Variants in NKAP observed in about 807,000 individuals in gnomAD.
NKAP encodes NFKB activating protein.
A neutral mutation model predicts 35.6 loss-of-function variants in NKAP; 4 were observed. The observed-to-expected ratio is 0.11, with a 90% CI of 0.06 to 0.26. NKAP has a LOEUF of 0.26. Among genes scored for constraint, NKAP ranks in the 10% least tolerant of loss-of-function variants. NKAP has a pLI of 1.00. For missense variants in NKAP, 238 were observed against 321.9 expected, an observed-to-expected ratio of 0.74 and a Z score of 1.99; for synonymous variants, 106 against 119.2, an observed-to-expected ratio of 0.89 and a Z score of 0.72.
intron 8 of NKAP, among the ~76,000 whole-genome samples, chrX:119,927,366 T>G (rs1267797448): frequency 9.0e-6 from 1 of 110,625 alleles, no homozygotes; most frequent in African/African-American, 3.3e-5. Context: ...TTTTTTGAGA[T>G]AGTGTTTTGC....
rs1008736767 is a variant in NKAP at position 119,938,600 on chromosome X, G to A, written c.467+130C>T. On this transcript the variant is annotated intron_variant, in intron 2 of 8. Transcript: ENST00000371410. ...CTATGTTTTTAAAACTTAAGGGGTAGAAGAACATAAATCACAAGAAAGAAA... is the reference window on the plus strand; with the variant it reads ...CTATGTTTTTAAAACTTAAGGGGTAAAAGAACATAAATCACAAGAAAGAAA... 6 of 437,437 alleles carry A rather than the reference G, an allele frequency of 1.4e-5. No individual in the cohort carries two copies. In the African/African-American group the frequency reaches 1.5e-4, roughly 11 times the overall value. 36.0% of individuals were successfully genotyped at this position (437,437 alleles called of 1,213,427 possible).
Position 119,934,565 on chromosome X carries a change from T to C in NKAP, c.674-8A>G. The C allele has an allele frequency of 8.8e-7, 1 of 1,138,893 alleles. No individual in the cohort carries two copies. The highest frequency in any genetic ancestry group is 1.2e-6 in the Non-Finnish European group (1 of 859,726). The allele number at this position is 1,138,893 out of a possible 1,213,427, so 93.9% of individuals were successfully genotyped here. On this transcript the variant is annotated splice_polypyrimidine_tract_variant and splice_region_variant and intron_variant, in intron 4 of 8. Transcript: ENST00000371410. ...TCCTTTTGTTATCTTCATCTGCAAA[T>C]TAAAGCACATTACAATTAAGAAAAA...
At position 119,924,394 on chromosome X, in the gene NKAP, G is replaced by A. The variant is rs78563934; in HGVS notation, c.*826C>T. 3.6e-5 allele frequency: 4 copies of A among 109,930 alleles called. No homozygotes were observed. In the Admixed American group the frequency reaches 3.9e-4, roughly 11 times the overall value. 9.1% of individuals were successfully genotyped at this position (109,930 alleles called of 1,213,427 possible). ...ACAGTAGCATTTTATTCATAATTTG[G>A]ATTTTTTTTTTTTGAGACAGAGTTT... On this transcript the variant is annotated 3_prime_UTR_variant, in exon 9 of 9. Transcript: ENST00000371410.
chrX:119,928,935 T>A (rs959548132), intron 8 of NKAP, among the ~76,000 whole-genome samples: 3 of 109,949 alleles, frequency 2.7e-5, no homozygotes, highest in Non-Finnish European at 5.7e-5. Flanking sequence ...TGAGTTTTGC[T>A]CTCCAGGCTG....
At position 119,922,610 on chromosome X, in the gene NKAP, C is replaced by T. The variant is rs1353964311; in HGVS notation, c.*2610G>A. On this transcript the variant is annotated 3_prime_UTR_variant, in exon 9 of 9. Coordinates refer to ENST00000371410, the MANE Select transcript of NKAP (RefSeq NM_024528.4). ...GGGCATGGTGGTGCACACTGGTAGT[C>T]CCAGCTGCTCGGGAGGCTGAGGTGG... 9.0e-6 allele frequency: 1 copy of T among 110,877 alleles called. No homozygotes were observed. The highest frequency in any genetic ancestry group is 9.7e-5 in the Admixed American group (1 of 10,273). 9.1% of individuals were successfully genotyped at this position (110,877 alleles called of 1,213,427 possible).
Position 119,941,602 on chromosome X carries a change from C to T in NKAP, c.386+1618G>A, listed in dbSNP as rs750661766. ...TGGAGTTTGTCCTTTTCCTTTCTTT[C>T]TTCCTGTTCTTCTCTTTGTTTTTTT... On this transcript the variant is annotated intron_variant, in intron 1 of 8. Coordinates refer to ENST00000371410, the MANE Select transcript of NKAP (RefSeq NM_024528.4). Among the ~76,000 whole-genome samples the T allele has an allele frequency of 2.7e-5, 3 of 110,975 alleles. No homozygotes were observed. In the South Asian group the frequency reaches 1.1e-3, roughly 42 times the overall value.
chrX:119,932,484 T>C (rs780237682), intron 5 of NKAP: 135 of 217,396 alleles, frequency 6.2e-4, no homozygotes, highest in African/African-American at 3.9e-3. Context: ...CTGGGTGTGA[T>C]GGCACACATC....
chrX:119,941,888 TA>T (rs2056795228), intron 1 of NKAP, among the ~76,000 whole-genome samples: 1 of 111,924 alleles, frequency 8.9e-6, no homozygotes, highest in African/African-American at 3.2e-5. Flanking sequence ...CTTGGCCTCC[TA>T]AAGTGTTGGG....
At chrX:119,928,758 A>C (rs2056727230) in intron 8 of NKAP, among the ~76,000 whole-genome samples, 1 of 110,644 alleles carries the variant, frequency 9.0e-6, no homozygotes, top group African/African-American at 3.3e-5. Flanking sequence ...ACAGGGTTTC[A>C]CCATGTTGGC....
intron 2 of NKAP, 173 bp from the exon 3 acceptor site, chrX:119,936,855 AC>A: frequency 2.4e-6 from 1 of 408,984 alleles, no homozygotes. Context: ...AACCAAAACA[AC>A]AACAAAGCAA....
intron 1 of NKAP, among the ~76,000 whole-genome samples, chrX:119,939,590 T>A (rs1396289408): frequency 8.9e-6 from 1 of 111,812 alleles, no homozygotes; most frequent in Admixed American, 9.4e-5. Context: ...AAAAGTTTTT[T>A]ATTTTTTTGT....
At position 119,922,387 on chromosome X, in the gene NKAP, C is replaced by A. The variant is rs1161112590; in HGVS notation, c.*2833G>T. ...GTTGCGGGTTAAAAGTAGACATTTC[C>A]TGGAACATATATTTAATAGTATTTA... On this transcript the variant is annotated 3_prime_UTR_variant, in exon 9 of 9. Transcript: ENST00000371410. 1 of 112,010 alleles carries A rather than the reference C, an allele frequency of 8.9e-6. No homozygotes were observed. Among genetic ancestry groups the A allele is most frequent in the Non-Finnish European group, 1.9e-5 (1 of 53,228 alleles). The allele number at this position is 112,010 out of a possible 1,213,427, so 9.2% of individuals were successfully genotyped here. A position where few individuals can be genotyped will look rare whatever the true frequency, so the allele number is the denominator to read the frequency against.
chrX:119,930,289 C>T (rs16995689), intron 7 of NKAP, 124 bp from the exon 8 acceptor site: 44,605 of 659,836 alleles, frequency 0.068, 1,625 homozygotes, highest in African/African-American at 0.22. Context: ...AATAACAGTG[C>T]TCAGCAGTAG....
Position 119,925,092 on chromosome X carries a change from G to T in NKAP, c.*128C>A. 2 of 655,381 alleles carry T rather than the reference G, an allele frequency of 3.1e-6. No homozygotes were observed. Among genetic ancestry groups the T allele is most frequent in the Non-Finnish European group, 4.6e-6 (2 of 433,319 alleles). 54.0% of individuals were successfully genotyped at this position (655,381 alleles called of 1,213,427 possible). On this transcript the variant is annotated 3_prime_UTR_variant, in exon 9 of 9. Coordinates refer to ENST00000371410, the MANE Select transcript of NKAP (RefSeq NM_024528.4). ...GCAGCTTTTTATTGAAGGACTGAAAGAATTAAATAGAAGGCACAGTAGCAC... is the reference window on the plus strand; with the variant it reads ...GCAGCTTTTTATTGAAGGACTGAAATAATTAAATAGAAGGCACAGTAGCAC...
At chrX:119,940,093 T>C (rs1207416424) in intron 1 of NKAP, among the ~76,000 whole-genome samples, 7 of 109,498 alleles carry the variant, frequency 6.4e-5, no homozygotes. Flanking sequence ...CCCAACACTT[T>C]GGGAGGCCGA....
intron 1 of NKAP, 116 bp from the exon 2 acceptor site, chrX:119,938,926 A>AT: frequency 3.8e-6 from 2 of 528,010 alleles, no homozygotes; most frequent in Non-Finnish European, 3.1e-6. Context: ...TTAAACATGG[A>AT]TAAAAACTTG....
intron 5 of NKAP, among the ~76,000 whole-genome samples, chrX:119,933,498 A>C (rs1188651788): frequency 2.7e-5 from 3 of 111,802 alleles, no homozygotes; most frequent in African/African-American, 9.8e-5. Flanking sequence ...AGGCCTCTAG[A>C]CCTATTAATC....
At chrX:119,925,534 T>C (rs1227899281) in intron 8 of NKAP, 140 bp from the exon 9 acceptor site, 11 of 601,848 alleles carry the variant, frequency 1.8e-5, no homozygotes, top group Non-Finnish European at 2.7e-5. Context: ...AGATCATTTA[T>C]TAATATTTTA....
chrX:119,933,858 G>C (rs942220122), intron 5 of NKAP, among the ~76,000 whole-genome samples: 3 of 110,362 alleles, frequency 2.7e-5, no homozygotes, highest in African/African-American at 9.9e-5. Flanking sequence ...GCCTATCTTT[G>C]TGAACCCGGG....
Sources: gnomAD v4.1 joint callset for allele counts (sites outside exome capture counted in the v4.1 genomes callset) on GRCh38, gnomAD v4.1.1 for gene constraint, MANE v1.5 for transcripts, NCBI Gene and HGNC (gene_info 2026-07-23, HGNC 2026-07-21) for gene names.